BCAR3: variants seen among roughly 807,000 people sequenced by gnomAD.
BCAR3 encodes breast cancer anti-estrogen resistance protein 3.
In BCAR3, 37 loss-of-function variants were observed where a neutral mutation model predicts 80.1. The ratio of observed to expected loss-of-function variants is 0.46; its 90% CI spans 0.36 to 0.61. The LOEUF (loss-of-function observed/expected upper bound fraction) is 0.61, where lower values mean the gene tolerates loss of function less well. Ranked by LOEUF, BCAR3 falls within the 20% of genes least tolerant of loss-of-function variation. The pLI is 0.00. For synonymous variants in BCAR3, 389 were observed against 418.9 expected, an observed-to-expected ratio of 0.93 and a Z score of 0.87; for missense variants, 978 against 1,068.2, an observed-to-expected ratio of 0.92 and a Z score of 1.18.
intron 3 of BCAR3, among the ~76,000 whole-genome samples, chr1:93,636,179 C>T (rs1675774449): frequency 6.6e-6 from 1 of 152,116 alleles, no homozygotes; most frequent in African/African-American, 2.4e-5. Context: ...AGAGCATTGA[C>T]CCCAGAAAGG....
intron 3 of BCAR3, chr1:93,613,727 G>T: frequency 8.0e-7 from 1 of 1,247,160 alleles, no homozygotes. Flanking sequence ...GTCAAAGAAA[G>T]CACCTCTGTT....
intron 7 of BCAR3, among the ~76,000 whole-genome samples, chr1:93,579,439 G>A (rs560197586): frequency 6.6e-6 from 1 of 152,190 alleles, no homozygotes; most frequent in East Asian, 1.9e-4. Context: ...GCAGAGTCCA[G>A]GCTAGCTCCT....
intron 2 of BCAR3, among the ~76,000 whole-genome samples, chr1:93,725,184 T>C (rs898133182): frequency 6.6e-6 from 1 of 152,236 alleles, no homozygotes; most frequent in Non-Finnish European, 1.5e-5. Flanking sequence ...CCGTCTCCTT[T>C]ATTCAGCAAT....
At chr1:93,846,961 A>G in intron 1 of BCAR3, 2 of 290,004 alleles carry the variant, frequency 6.9e-6, no homozygotes, top group Middle Eastern at 3.8e-4. Context: ...ACAAGCACGC[A>G]CACAGACGTC....
intron 3 of BCAR3, among the ~76,000 whole-genome samples, chr1:93,593,012 A>G (rs236328): frequency 0.025 from 3,793 of 152,326 alleles, 159 homozygotes; most frequent in African/African-American, 0.085. Context: ...TATGACAGAT[A>G]GGAAAGTGAA....
At chr1:93,726,489 T>C (rs1650587851) in intron 2 of BCAR3, among the ~76,000 whole-genome samples, 1 of 152,236 alleles carries the variant, frequency 6.6e-6, no homozygotes, top group Non-Finnish European at 1.5e-5. Flanking sequence ...ACTGCTTTAA[T>C]TAATTATTTT....
chr1:93,766,273 T>C (rs1652146465), intron 2 of BCAR3, among the ~76,000 whole-genome samples: 1 of 152,228 alleles, frequency 6.6e-6, no homozygotes, highest in Admixed American at 6.5e-5. Flanking sequence ...CAGAGCCACC[T>C]GAGCCAGTGA....
chr1:93,588,071 T>G (rs945506921), intron 5 of BCAR3, among the ~76,000 whole-genome samples: 2 of 152,130 alleles, frequency 1.3e-5, no homozygotes, highest in Non-Finnish European at 2.9e-5. Context: ...CTTAGAAATC[T>G]CATCTGTTCT....
intron 3 of BCAR3, among the ~76,000 whole-genome samples, chr1:93,619,401 C>T (rs1286520654): frequency 6.6e-6 from 1 of 152,196 alleles, no homozygotes; most frequent in African/African-American, 2.4e-5. Flanking sequence ...AGAAGCCCAT[C>T]CATATACCCC....
At chr1:93,714,579 A>C (rs1227069081) in intron 2 of BCAR3, among the ~76,000 whole-genome samples, 1 of 152,212 alleles carries the variant, frequency 6.6e-6, no homozygotes, top group East Asian at 1.9e-4. Context: ...AATCTGAAGC[A>C]ACTTACCCTG....
intron 3 of BCAR3, among the ~76,000 whole-genome samples, chr1:93,705,201 C>T (rs1243369656): frequency 3.9e-5 from 6 of 152,232 alleles, no homozygotes; most frequent in African/African-American, 1.2e-4. Flanking sequence ...AAGAACTTCA[C>T]GGGCTGGGTG....
intron 2 of BCAR3, among the ~76,000 whole-genome samples, chr1:93,712,034 T>C (rs1650043383): frequency 6.6e-6 from 1 of 152,192 alleles, no homozygotes; most frequent in Non-Finnish European, 1.5e-5. Flanking sequence ...TTTCGTTTAC[T>C]GACTGTGTGA....
At position 93,679,019 on chromosome 1, in the gene BCAR3, A is replaced by G. The variant is rs576491562; in HGVS notation, c.-12+2579T>C. ...TTTGATTTTTTAAAAATAAAATGGT[A>G]TGACTCAGAACCTAGGCTTTGGAGG... On this transcript the variant is annotated intron_variant, in intron 1 of 11. Coordinates refer to ENST00000260502, the MANE Select transcript of BCAR3 (RefSeq NM_003567.4). Among the ~76,000 whole-genome samples, 7 of 152,364 alleles carry G rather than the reference A, an allele frequency of 4.6e-5. No homozygotes were observed. The South Asian group carries it at 1.4e-3, about 32-fold the overall frequency.
At chr1:93,636,527 A>G (rs981476469) in intron 3 of BCAR3, among the ~76,000 whole-genome samples, 8 of 152,234 alleles carry the variant, frequency 5.3e-5, no homozygotes, top group Admixed American at 2.0e-4. Flanking sequence ...CCACAAAAAA[A>G]CACTTGCCTA....
intron 3 of BCAR3, among the ~76,000 whole-genome samples, chr1:93,692,701 C>A (rs1443930737): frequency 1.1e-4 from 17 of 152,162 alleles, no homozygotes; most frequent in Admixed American, 1.1e-3. Context: ...ACTCCACTGC[C>A]CACTTCATCT....
chr1:93,618,364 G>A (rs1484740100), intron 3 of BCAR3, among the ~76,000 whole-genome samples: 1 of 152,218 alleles, frequency 6.6e-6, no homozygotes, highest in Non-Finnish European at 1.5e-5. Flanking sequence ...GAAAGAGTAT[G>A]GCTGTTAAAT....
chr1:93,606,437 A>G (rs1480764406), intron 3 of BCAR3, among the ~76,000 whole-genome samples: 1 of 152,192 alleles, frequency 6.6e-6, no homozygotes, highest in Non-Finnish European at 1.5e-5. Context: ...TTAGAAGGTA[A>G]TATCATGAAG....
chr1:93,790,461 T>C (rs567192470), intron 2 of BCAR3, among the ~76,000 whole-genome samples: 4 of 152,078 alleles, frequency 2.6e-5, no homozygotes, highest in African/African-American at 4.8e-5. Context: ...GAGTTCCAAT[T>C]CCCAAAAATA....
intron 3 of BCAR3, among the ~76,000 whole-genome samples, chr1:93,688,650 C>T (rs956295255): frequency 8.6e-5 from 13 of 151,830 alleles, no homozygotes; most frequent in African/African-American, 3.1e-4. Flanking sequence ...GGCTGGAGTG[C>T]GGTGGAGCCA....
Sources: allele counts gnomAD v4.1 joint callset (sites outside exome capture counted in the v4.1 genomes callset), GRCh38; gene constraint gnomAD v4.1.1; transcripts MANE v1.5; gene names NCBI Gene and HGNC (gene_info 2026-07-23, HGNC 2026-07-21).